Variants in MTO1 observed in about 807,000 individuals in gnomAD.
The protein encoded by MTO1 is 5-taurinomethyluridine-[tRNA] synthase subunit MTO1, mitochondrial.
A neutral mutation model predicts 71.6 loss-of-function variants in MTO1; 46 were observed. The ratio of observed to expected loss-of-function variants is 0.64; its 90% CI spans 0.51 to 0.82. MTO1 has a LOEUF of 0.82. MTO1 is among the 40% of genes least tolerant of loss of function. MTO1 has a pLI of 0.00. For missense variants in MTO1, 773 were observed against 867.5 expected, an observed-to-expected ratio of 0.89 and a Z score of 1.37; for synonymous variants, 297 against 312.1, an observed-to-expected ratio of 0.95 and a Z score of 0.51.
chr6:73,468,732 C>T (rs1230508423), intron 3 of MTO1, among the ~76,000 whole-genome samples: 1 of 151,810 alleles, frequency 6.6e-6, no homozygotes, highest in Non-Finnish European at 1.5e-5. Flanking sequence ...CTCAGCCTCA[C>T]GAGTAGCTGG....
At chr6:73,468,783 T>C (rs1464669605) in intron 3 of MTO1, among the ~76,000 whole-genome samples, 1 of 151,600 alleles carries the variant, frequency 6.6e-6, no homozygotes, top group Non-Finnish European at 1.5e-5. Flanking sequence ...AATTTTTGTG[T>C]TTTTAGTGGA....
intron 10 of MTO1, among the ~76,000 whole-genome samples, chr6:73,497,154 A>ATTTTT (rs1249968654): frequency 3.3e-5 from 1 of 30,358 alleles, no homozygotes. Context: ...GCGGAAGCAA[A>ATTTTT]TTCTTTTTTT....
At chr6:73,475,648 G>T (rs1771292939) in intron 4 of MTO1, among the ~76,000 whole-genome samples, 1 of 151,982 alleles carries the variant, frequency 6.6e-6, no homozygotes, top group Admixed American at 6.6e-5. Context: ...TTAAGTAGCT[G>T]GGATTACAGG....
At chr6:73,482,422 A>G (rs1318795195) in intron 8 of MTO1, 27 bp from the exon 9 acceptor site, 1 of 1,598,828 alleles carries the variant, frequency 6.3e-7, no homozygotes, top group Admixed American at 1.8e-5. Context: ...CACACTTCTC[A>G]TTATATTCTC....
chr6:73,507,552 G>A lies in MTO1; in HGVS notation c.*6817G>A, dbSNP rs962843161. 3 of 152,178 alleles carry A rather than the reference G, an allele frequency of 2.0e-5. No individual in the cohort carries two copies. Among genetic ancestry groups the A allele is most frequent in the Non-Finnish European group, 4.4e-5 (3 of 68,034 alleles). The allele number at this position is 152,178 out of a possible 1,614,324, so 9.4% of individuals were successfully genotyped here. A position where few individuals can be genotyped will look rare whatever the true frequency, so the allele number is the denominator to read the frequency against. On this transcript the variant is annotated 3_prime_UTR_variant, in exon 12 of 12. Coordinates refer to ENST00000498286, the MANE Select transcript of MTO1 (RefSeq NM_012123.4). ...TAGATATAACTTAGCCTTGCGAGGT[G>A]ATGTAATTAAAGTCTAACTTCAAGT...
chr6:73,462,020 G>C lies in MTO1; in HGVS notation c.166G>C (p.Ala56Pro). ...HAGTEAATAA[A>P]RCGSRTLLLT... The stretch of plus-strand genomic sequence containing the variant: ...CGGGACTGAGGCAGCCACCGCCGCC[G>C]CTCGGTGCGGCTCTCGGACTCTGCT... The change falls in exon 1 of 12, where the codon GCT (alanine) becomes CCT (proline). Residue 56 changes from alanine to proline, a missense_variant. By Grantham distance (27) the Ala-to-Pro change is conservative. Coordinates refer to ENST00000498286, the MANE Select transcript of MTO1 (RefSeq NM_012123.4). 6.2e-7 allele frequency: 1 copy of C among 1,614,032 alleles called. No homozygotes were observed. Among genetic ancestry groups the C allele is most frequent in the Non-Finnish European group, 8.5e-7 (1 of 1,179,986 alleles).
intron 9 of MTO1, among the ~76,000 whole-genome samples, chr6:73,486,360 A>T (rs1294027840): frequency 6.6e-6 from 1 of 152,132 alleles, no homozygotes; most frequent in African/African-American, 2.4e-5. Flanking sequence ...CACTATACCC[A>T]TTAGACAGTA....
chr6:73,476,901 CCT>C (rs1771339810), intron 4 of MTO1, among the ~76,000 whole-genome samples: 1 of 151,652 alleles, frequency 6.6e-6, no homozygotes, highest in Admixed American at 6.6e-5. Context: ...AGTTCTCATG[CCT>C]CAGCCTCCTC....
In MTO1 at chr6:73,501,984, G is replaced by A. The variant is rs2150046748; in HGVS notation, c.*1249G>A. ...GTCTTTCCAGAAAGCAGTAAGATTA[G>A]TAGCAAGTAAAAAGTATTTGTAGTG... On this transcript the variant is annotated 3_prime_UTR_variant, in exon 12 of 12. Coordinates refer to ENST00000498286, the MANE Select transcript of MTO1 (RefSeq NM_012123.4). The A allele has an allele frequency of 6.6e-6, 1 of 152,280 alleles. No homozygotes were observed. The highest frequency in any genetic ancestry group is 2.4e-5 in the African/African-American group (1 of 41,564). 9.4% of individuals were successfully genotyped at this position (152,280 alleles called of 1,614,324 possible).
At chr6:73,475,327 A>G (rs976895511) in intron 4 of MTO1, among the ~76,000 whole-genome samples, 2 of 150,896 alleles carry the variant, frequency 1.3e-5, no homozygotes, top group East Asian at 2.0e-4. Flanking sequence ...TTGTTGCCCA[A>G]CCTGTGGTGC....
Position 73,499,276 on chromosome 6 carries a change from G to C in MTO1, c.1918-1298G>C, listed in dbSNP as rs540218226. ...ACTTTGTCCCTTCCTATTGATTTCA[G>C]GTTATGTTTGTATGGATAATCATAG... On this transcript the variant is annotated intron_variant, in intron 11 of 11. Coordinates refer to ENST00000498286, the MANE Select transcript of MTO1 (RefSeq NM_012123.4). 7.9e-5 allele frequency among the ~76,000 whole-genome samples: 12 copies of C among 152,142 alleles called. No homozygotes were observed. In the South Asian group the frequency reaches 2.3e-3, roughly 29 times the overall value.
At chr6:73,490,477 A>T (rs1771774679) in intron 9 of MTO1, among the ~76,000 whole-genome samples, 1 of 152,124 alleles carries the variant, frequency 6.6e-6, no homozygotes, top group Non-Finnish European at 1.5e-5. Flanking sequence ...ATAAGGTGTA[A>T]GGAAGGGATC....
rs1386041678 is a variant in MTO1, at chr6:73,504,397, G to C, written c.*3662G>C. Reference sequence around the variant, plus strand: ...CCTCCCTCTTCAGCCTCCTGTGTAGGTGATAGTACAGGCATGAGCCACCAT... The same window carrying C: ...CCTCCCTCTTCAGCCTCCTGTGTAGCTGATAGTACAGGCATGAGCCACCAT... On this transcript the variant is annotated 3_prime_UTR_variant, in exon 12 of 12. Transcript: ENST00000498286. The C allele has an allele frequency of 6.6e-6, 1 of 152,136 alleles. No homozygotes were observed. Among genetic ancestry groups the C allele is most frequent in the Admixed American group, 6.6e-5 (1 of 15,254 alleles). The allele number at this position is 152,136 out of a possible 1,614,324, so 9.4% of individuals were successfully genotyped here.
Position 73,473,640 on chromosome 6 carries a change from A to T in MTO1, c.811A>T (p.Thr271Ser). 1 of 1,612,560 alleles carries T rather than the reference A, an allele frequency of 6.2e-7. No individual in the cohort carries two copies. The highest frequency in any genetic ancestry group is 8.5e-7 in the Non-Finnish European group (1 of 1,178,806). The change falls in exon 4 of 12, where the codon ACA (threonine) becomes TCA (serine). Residue 271 changes from threonine to serine, a missense_variant. By Grantham distance (58) the Thr-to-Ser change is moderately conservative. Transcript: ENST00000498286. ...PSIPFSFTNE[T>S]VWIKPEDQLP... is the part of the protein sequence containing the mutation. Reference sequence around the variant, plus strand: ...CATACCATTCAGCTTTACCAATGAGACAGTATGGATTAAGGTAAGATACTT... The same window carrying T: ...CATACCATTCAGCTTTACCAATGAGTCAGTATGGATTAAGGTAAGATACTT...
intron 1 of MTO1, among the ~76,000 whole-genome samples, chr6:73,465,444 G>A (rs554536385): frequency 3.9e-5 from 6 of 152,062 alleles, no homozygotes; most frequent in East Asian, 3.9e-4. Flanking sequence ...GATTACAGGC[G>A]TGAGCCACCA....
rs514582 is a variant in MTO1 at position 73,492,090 on chromosome 6, C to T, written c.1638-144C>T. ...GCACTACAGTTGATGGGCGACAGAGCGAGACTCCATCTCAAAAAAAAAAAA... is the reference window on the plus strand; with the variant it reads ...GCACTACAGTTGATGGGCGACAGAGTGAGACTCCATCTCAAAAAAAAAAAA... On this transcript the variant is annotated intron_variant, in intron 9 of 11. Coordinates refer to ENST00000498286, the MANE Select transcript of MTO1 (RefSeq NM_012123.4). 0.66 allele frequency: 352,340 copies of T among 531,814 alleles called. 118,648 individuals carry two copies. The highest frequency in any genetic ancestry group is 0.71 in the South Asian group (34,701 of 48,970). The allele number at this position is 531,814 out of a possible 1,614,324, so 32.9% of individuals were successfully genotyped here.
chr6:73,481,346 T>C (rs952585853), intron 7 of MTO1, among the ~76,000 whole-genome samples: 2 of 152,202 alleles, frequency 1.3e-5, no homozygotes, highest in African/African-American at 4.8e-5. Context: ...GCTTGTGAAG[T>C]TTAAAATTTA....
intron 10 of MTO1, among the ~76,000 whole-genome samples, chr6:73,496,162 G>A (rs920530583): frequency 9.2e-5 from 14 of 152,212 alleles, no homozygotes; most frequent in Non-Finnish European, 1.9e-4. Context: ...CATTGTTGGA[G>A]TCAGACACAG....
intron 3 of MTO1, 60 bp from the exon 4 acceptor site, chr6:73,473,305 T>C: frequency 6.9e-7 from 1 of 1,451,744 alleles, no homozygotes; most frequent in South Asian, 1.4e-5. Flanking sequence ...GATAGATACA[T>C]AGATACATAA....
Sources: gnomAD v4.1 joint callset for allele counts (sites outside exome capture counted in the v4.1 genomes callset) on GRCh38, gnomAD v4.1.1 for gene constraint, MANE v1.5 for transcripts, NCBI Gene and HGNC (gene_info 2026-07-23, HGNC 2026-07-21) for gene names.